KSR2: variants seen among roughly 807,000 people sequenced by gnomAD.
KSR2 encodes kinase suppressor of ras 2.
In KSR2, 25 loss-of-function variants were observed where a neutral mutation model predicts 107.8. That is an observed-to-expected ratio of 0.23 (90% CI 0.17 to 0.32). The LOEUF (loss-of-function observed/expected upper bound fraction) is 0.32, where lower values mean the gene tolerates loss of function less well. Among genes scored for constraint, KSR2 ranks in the 10% least tolerant of loss-of-function variants. The pLI is 1.00. For missense variants in KSR2, 887 were observed against 1,268.9 expected, an observed-to-expected ratio of 0.70 and a Z score of 4.57; for synonymous variants, 480 against 507.0, an observed-to-expected ratio of 0.95 and a Z score of 0.71.
At chr12:117,623,296 T>C (rs1193965661) in intron 5 of KSR2, among the ~76,000 whole-genome samples, 1 of 152,228 alleles carries the variant, frequency 6.6e-6, no homozygotes, top group Admixed American at 6.5e-5. Flanking sequence ...GTTTGATACA[T>C]AGGTATACAT....
At chr12:117,532,355 C>G (rs1397015061) in intron 10 of KSR2, among the ~76,000 whole-genome samples, 1 of 152,152 alleles carries the variant, frequency 6.6e-6, no homozygotes, top group Admixed American at 6.5e-5. Flanking sequence ...TCCATCACTC[C>G]AACCTCTGCT....
chr12:117,936,521 T>G (rs565940766), intron 1 of KSR2, among the ~76,000 whole-genome samples: 6,273 of 46,496 alleles, frequency 0.13, 179 homozygotes, highest in East Asian at 0.26. Flanking sequence ...TTTATTATTA[T>G]TATTATTATT....
chr12:117,569,701 C>G (rs970364681), intron 7 of KSR2, among the ~76,000 whole-genome samples: 3 of 152,282 alleles, frequency 2.0e-5, no homozygotes, highest in Middle Eastern at 3.4e-3. Context: ...TGCTAAACCT[C>G]AGAAAGTCCC....
intron 1 of KSR2, among the ~76,000 whole-genome samples, chr12:117,901,274 G>A (rs920964731): frequency 2.0e-5 from 3 of 151,404 alleles, no homozygotes; most frequent in Admixed American, 6.6e-5. Context: ...TAAACTATGC[G>A]ATATTTTAAT....
At chr12:117,682,069 C>T (rs566986822) in intron 4 of KSR2, among the ~76,000 whole-genome samples, 52 of 152,268 alleles carry the variant, frequency 3.4e-4, no homozygotes, top group South Asian at 3.3e-3. Context: ...ACATATACAA[C>T]GTGGAATACC....
rs1392765571 is a variant in KSR2 at position 117,456,562 on chromosome 12, GAGAGGTTGACCCCATCTAGGGC to G, written c.*10615_*10636del. 1.3e-5 allele frequency: 2 copies of G among 152,202 alleles called. No individual in the cohort carries two copies. The highest frequency in any genetic ancestry group is 1.3e-4 in the Admixed American group (2 of 15,284). The allele number at this position is 152,202 out of a possible 1,614,324, so 9.4% of individuals were successfully genotyped here. ...CCAACCTGGGCAGGGCTGTGTTGGGGAGAGGTTGACCCCATCTAGGGCAGAGCCCCAGCCAACTCAACTGTCT... is the reference window on the plus strand; with the variant it reads ...CCAACCTGGGCAGGGCTGTGTTGGGGAGAGCCCCAGCCAACTCAACTGTCT... On this transcript the variant is annotated 3_prime_UTR_variant, in exon 20 of 20. Coordinates refer to ENST00000339824, the MANE Select transcript of KSR2 (RefSeq NM_173598.6).
chr12:117,933,789 A>C (rs563201035), intron 1 of KSR2, among the ~76,000 whole-genome samples: 1 of 152,136 alleles, frequency 6.6e-6, no homozygotes, highest in East Asian at 1.9e-4. Context: ...TGATCCTCCC[A>C]GTATCCTGTG....
chr12:117,891,662 G>C (rs1024407273), intron 1 of KSR2, among the ~76,000 whole-genome samples: 12 of 151,866 alleles, frequency 7.9e-5, no homozygotes, highest in Non-Finnish European at 4.4e-5. Context: ...AGGAAGCATG[G>C]GATGAAAACC....
intron 1 of KSR2, among the ~76,000 whole-genome samples, chr12:117,933,601 A>T (rs1457326626): frequency 1.3e-5 from 2 of 152,066 alleles, no homozygotes; most frequent in African/African-American, 4.8e-5. Context: ...CAAAAAAAAA[A>T]ATAAAGTATG....
intron 14 of KSR2, among the ~76,000 whole-genome samples, chr12:117,511,669 ATC>A (rs1486932641): frequency 6.6e-6 from 1 of 152,242 alleles, no homozygotes; most frequent in Non-Finnish European, 1.5e-5. Context: ...TGCTCAAGGA[ATC>A]TGTTTCCCTT....
chr12:117,756,506 C>T (rs634957), intron 4 of KSR2, among the ~76,000 whole-genome samples: 84,121 of 151,854 alleles, frequency 0.55, 23,564 homozygotes, highest in South Asian at 0.69. Flanking sequence ...CTGTTGAGAC[C>T]GACTGTTTAG....
At chr12:117,896,235 G>A (rs114660102) in intron 1 of KSR2, among the ~76,000 whole-genome samples, 2,898 of 152,266 alleles carry the variant, frequency 0.019, 98 homozygotes, top group African/African-American at 0.067. Context: ...ACATAGATGA[G>A]CCTCAAAAAC....
chr12:117,720,710 A>T (rs796907760), intron 4 of KSR2, among the ~76,000 whole-genome samples: 5 of 152,358 alleles, frequency 3.3e-5, no homozygotes, highest in African/African-American at 7.2e-5. Context: ...AAATGCTATG[A>T]AAGAAAGAAC....
At chr12:117,611,172 A>T (rs1881575601) in intron 5 of KSR2, among the ~76,000 whole-genome samples, 1 of 152,210 alleles carries the variant, frequency 6.6e-6, no homozygotes, top group African/African-American at 2.4e-5. Context: ...TTTTTAAAAG[A>T]ATATGACAAT....
chr12:117,953,209 A>G (rs1896415573), intron 1 of KSR2, among the ~76,000 whole-genome samples: 1 of 151,398 alleles, frequency 6.6e-6, no homozygotes, highest in African/African-American at 2.5e-5. Flanking sequence ...TCAAGGATGT[A>G]GAGAAATTGC....
At chr12:117,796,576 A>G (rs1418683315) in intron 3 of KSR2, among the ~76,000 whole-genome samples, 1 of 152,178 alleles carries the variant, frequency 6.6e-6, no homozygotes, top group Non-Finnish European at 1.5e-5. Context: ...ACAGTCAAAC[A>G]GGTCTAAGTT....
Position 117,759,567 on chromosome 12 carries a change from T to A in KSR2, c.986+1444A>T, listed in dbSNP as rs1272270353. ...TTACATTTGCATTGTTGTACAACCATCACCACCATCCATCTCCAGAATGTT... is the reference window on the plus strand; with the variant it reads ...TTACATTTGCATTGTTGTACAACCAACACCACCATCCATCTCCAGAATGTT... On this transcript the variant is annotated intron_variant, in intron 4 of 19. Transcript: ENST00000339824. Among the ~76,000 whole-genome samples, 4 of 152,184 alleles carry A rather than the reference T, an allele frequency of 2.6e-5. No individual in the cohort carries two copies. The East Asian group carries it at 7.7e-4, about 29-fold the overall frequency.
chr12:117,964,697 A>G (rs952534082), intron 1 of KSR2, among the ~76,000 whole-genome samples: 1 of 152,162 alleles, frequency 6.6e-6, no homozygotes, highest in African/African-American at 2.4e-5. Context: ...ATCTCTTTCA[A>G]TCCTTATAAC....
chr12:117,734,765 G>GATGGATGGATGA (rs904454909), intron 4 of KSR2, among the ~76,000 whole-genome samples: 1 of 152,060 alleles, frequency 6.6e-6, no homozygotes, highest in Non-Finnish European at 1.5e-5. Flanking sequence ...TGGATGGATG[G>GATGGATGGATGA]ATGGATGGAT....
Sources: gnomAD v4.1 joint callset for allele counts (sites outside exome capture counted in the v4.1 genomes callset) on GRCh38, gnomAD v4.1.1 for gene constraint, MANE v1.5 for transcripts, NCBI Gene and HGNC (gene_info 2026-07-23, HGNC 2026-07-21) for gene names.